MAST4: variants seen among roughly 807,000 people sequenced by gnomAD.
The protein encoded by MAST4 is microtubule associated serine/threonine kinase family member 4, also known as microtubule-associated serine/threonine-protein kinase 4.
Under a neutral mutation model 162.7 loss-of-function variants are expected in MAST4, and 89 were observed. The observed-to-expected ratio is 0.55, with a 90% CI of 0.46 to 0.65. The LOEUF (loss-of-function observed/expected upper bound fraction) is 0.65. MAST4 is among the 30% of genes least tolerant of loss of function. The pLI, the probability that MAST4 is intolerant of heterozygous loss-of-function variation, is 0.00. For missense variants in MAST4, 3,153 were observed against 3,374.0 expected (o/e 0.93, Z 1.62); for synonymous variants, 1,479 against 1,361.1 (o/e 1.09, Z -1.91).
intron 5 of MAST4, among the ~76,000 whole-genome samples, chr5:67,063,965 A>G (rs994715214): frequency 1.3e-5 from 2 of 152,210 alleles, no homozygotes; most frequent in South Asian, 2.1e-4. Flanking sequence ...CAGAGGTCAT[A>G]CTTAAGAGTT....
intron 4 of MAST4, among the ~76,000 whole-genome samples, chr5:66,939,313 A>G (rs1743111820): frequency 6.6e-6 from 1 of 152,152 alleles, no homozygotes; most frequent in African/African-American, 2.4e-5. Flanking sequence ...GTTAATAGAA[A>G]ATAAACTGAA....
intron 4 of MAST4, 35 bp downstream of exon 4, chr5:66,900,017 T>G (rs377197633): frequency 2.1e-5 from 29 of 1,398,702 alleles, no homozygotes; most frequent in Non-Finnish European, 2.6e-5. Context: ...TGTTTTCTTT[T>G]TATTAATATA....
chr5:66,951,298 C>T (rs1744646719), intron 4 of MAST4, among the ~76,000 whole-genome samples: 1 of 152,156 alleles, frequency 6.6e-6, no homozygotes, highest in Non-Finnish European at 1.5e-5. Flanking sequence ...CTTGCTTATC[C>T]ATGACTGGAA....
At chr5:66,911,473 A>G (rs983051049) in intron 4 of MAST4, among the ~76,000 whole-genome samples, 12 of 147,490 alleles carry the variant, frequency 8.1e-5, no homozygotes, top group Admixed American at 5.5e-4. Context: ...AGGCCAAGAC[A>G]GGGGGATTGC....
At chr5:67,034,100 C>T (rs1439894247) in intron 4 of MAST4, among the ~76,000 whole-genome samples, 1 of 152,094 alleles carries the variant, frequency 6.6e-6, no homozygotes, top group East Asian at 1.9e-4. Flanking sequence ...ACAGTCTATC[C>T]ATTTAAACAA....
Position 66,802,838 on chromosome 5 carries a change from G to C in MAST4, c.642+14044G>C, listed in dbSNP as rs1236649048. Among the ~76,000 whole-genome samples, 2 of 152,114 alleles carry C rather than the reference G, an allele frequency of 1.3e-5. 1 individual carries two copies. The highest frequency in any genetic ancestry group is 1.3e-4 in the Admixed American group (2 of 15,270). The stretch of plus-strand genomic sequence containing the variant: ...TCAGAATGGAAGAGCACTTCTTCCT[G>C]ACCCCTCTTAGAATGACCACTGTGT... On this transcript the variant is annotated intron_variant, in intron 3 of 28. Coordinates refer to ENST00000403625, the MANE Select transcript of MAST4 (RefSeq NM_001164664.2).
intron 21 of MAST4, among the ~76,000 whole-genome samples, chr5:67,144,413 T>C (rs1770789548): frequency 6.6e-6 from 1 of 151,814 alleles, no homozygotes; most frequent in African/African-American, 2.4e-5. Context: ...CAACAAGATA[T>C]GATGAGAGGA....
chr5:66,800,009 C>A (rs912225246), intron 3 of MAST4, among the ~76,000 whole-genome samples: 2 of 152,180 alleles, frequency 1.3e-5, no homozygotes, highest in Admixed American at 1.3e-4. Context: ...TTATTGTCAT[C>A]TTGGACAAGA....
intron 3 of MAST4, among the ~76,000 whole-genome samples, chr5:66,849,298 G>A (rs773616440): frequency 1.3e-5 from 2 of 152,258 alleles, no homozygotes; most frequent in African/African-American, 2.4e-5. Flanking sequence ...GCAGAAACTA[G>A]AGTCTATCAA....
At chr5:66,872,069 A>G (rs1336829110) in intron 3 of MAST4, among the ~76,000 whole-genome samples, 1 of 152,218 alleles carries the variant, frequency 6.6e-6, no homozygotes, top group African/African-American at 2.4e-5. Context: ...TAAGACACAG[A>G]TACCTCTGAT....
Position 66,857,126 on chromosome 5 carries a change from A to C in MAST4, c.643-42825A>C, listed in dbSNP as rs556323408. On this transcript the variant is annotated intron_variant, in intron 3 of 28. Transcript: ENST00000403625. ...AAACACTGTCATAGATTTGATATGC[A>C]CATTTCTAGTTTGTGTTTTTATTCT... Among the ~76,000 whole-genome samples, 5 of 152,284 alleles carry C rather than the reference A, an allele frequency of 3.3e-5. No individual in the cohort carries two copies. The South Asian group carries it at 6.2e-4, about 19-fold the overall frequency.
rs114149578 is a variant in MAST4, at chr5:67,097,343, C to A, written c.912+1668C>A. On this transcript the variant is annotated intron_variant, in intron 7 of 28. Coordinates refer to ENST00000403625, the MANE Select transcript of MAST4 (RefSeq NM_001164664.2). Reference sequence around the variant, plus strand: ...TTGGCTCATTTAATCTTAGCAACATCCCCTATCATGTAATTGCTGTTGTTT... The same window carrying A: ...TTGGCTCATTTAATCTTAGCAACATACCCTATCATGTAATTGCTGTTGTTT... Among the ~76,000 whole-genome samples the A allele has an allele frequency of 5.3e-3, 807 of 152,156 alleles. 6 individuals carry two copies. Among genetic ancestry groups the A allele is most frequent in the African/African-American group, 0.019 (776 of 41,516 alleles).
chr5:66,596,998 C>A lies in MAST4; in HGVS notation c.343C>A (p.Gln115Lys). 6.9e-7 allele frequency: 1 copy of A among 1,449,632 alleles called. No homozygotes were observed. The highest frequency in any genetic ancestry group is 1.4e-5 in the South Asian group (1 of 73,346). The allele number at this position is 1,449,632 out of a possible 1,614,324, so 89.8% of individuals were successfully genotyped here. A position where few individuals can be genotyped will look rare whatever the true frequency, so the allele number is the denominator to read the frequency against. ...CGCGCCCCGGGGCAGCAGCGCGTCCCAGGAGGAGCAGGACGAGGAGGTGGG... is the reference window on the plus strand; with the variant it reads ...CGCGCCCCGGGGCAGCAGCGCGTCCAAGGAGGAGCAGGACGAGGAGGTGGG... ...PPAPRGSSAS[Q>K]EEQDEELDHI... is the part of the protein sequence containing the mutation. Residue 115 changes from glutamine (Q) to lysine (K), a missense_variant, in exon 1 of 29, where the codon CAG becomes AAG. Gln to Lys is a moderately conservative substitution (Grantham distance 53). Around this residue, in one of 7 missense-constraint regions of MAST4, gnomAD observed 327 missense variants for 336.5 expected, o/e 0.97. Coordinates refer to ENST00000403625, the MANE Select transcript of MAST4 (RefSeq NM_001164664.2).
intron 3 of MAST4, among the ~76,000 whole-genome samples, chr5:66,843,755 T>C (rs1204811218): frequency 6.6e-6 from 1 of 152,172 alleles, no homozygotes; most frequent in East Asian, 1.9e-4. Flanking sequence ...CTGTAATTTC[T>C]AGGTAGGGTC....
chr5:66,910,435 T>C (rs143856620), intron 4 of MAST4, among the ~76,000 whole-genome samples: 219 of 152,202 alleles, frequency 1.4e-3, no homozygotes, highest in African/African-American at 5.1e-3. Flanking sequence ...TTTACCCGGG[T>C]TGTGTGGTAG....
At chr5:67,052,979 A>G (rs918722900) in intron 4 of MAST4, among the ~76,000 whole-genome samples, 2 of 152,194 alleles carry the variant, frequency 1.3e-5, no homozygotes, top group African/African-American at 4.8e-5. Flanking sequence ...ATGATTGTGA[A>G]TTTAATAGGT....
rs866620761 is a variant in MAST4 at position 66,624,146 on chromosome 5, G to T, written c.363+27128G>T. 2.9e-3 allele frequency among the ~76,000 whole-genome samples: 263 copies of T among 90,068 alleles called. 1 individual carries two copies. Among genetic ancestry groups the T allele is most frequent in the Middle Eastern group, 0.016 (2 of 122 alleles). 59.1% of individuals were successfully genotyped at this position (90,068 alleles called of 152,430 possible). On this transcript the variant is annotated intron_variant, in intron 1 of 28. Transcript: ENST00000403625. Reference sequence around the variant, plus strand: ...TTGGAAGAATTAATATTGTTAAAATGTTTTTTTTTTTTTTTTTTTTTTTGA... The same window carrying T: ...TTGGAAGAATTAATATTGTTAAAATTTTTTTTTTTTTTTTTTTTTTTTTGA...
At chr5:66,940,418 C>G (rs1450245549) in intron 4 of MAST4, among the ~76,000 whole-genome samples, 2 of 152,176 alleles carry the variant, frequency 1.3e-5, no homozygotes, top group South Asian at 2.1e-4. Flanking sequence ...TGGAGTCAGC[C>G]TTCTCAAACC....
chr5:66,669,303 C>T (rs1167099297), intron 1 of MAST4, among the ~76,000 whole-genome samples: 4 of 152,034 alleles, frequency 2.6e-5, no homozygotes, highest in Non-Finnish European at 5.9e-5. Flanking sequence ...ACAGAGTGGG[C>T]GCTCCTGGTG....
Sources: gnomAD v4.1 joint callset for allele counts (sites outside exome capture counted in the v4.1 genomes callset) on GRCh38, gnomAD v4.1.1 for gene constraint, gnomAD v4.1.1 regional missense constraint, MANE v1.5 for transcripts, NCBI Gene and HGNC (gene_info 2026-07-23, HGNC 2026-07-21) for gene names.